The following RGS12 variants were observed in gnomAD, a reference collection of about 807,000 sequenced individuals.
The protein encoded by RGS12 is regulator of G protein signaling 12, also known as regulator of G-protein signaling 12.
A neutral mutation model predicts 120.1 loss-of-function variants in RGS12; 66 were observed. The ratio of observed to expected loss-of-function variants is 0.55; its 90% CI spans 0.45 to 0.67. The LOEUF (loss-of-function observed/expected upper bound fraction) is 0.67, where lower values mean the gene tolerates loss of function less well. Among genes scored for constraint, RGS12 ranks in the 30% least tolerant of loss-of-function variants. RGS12 has a pLI of 0.00. For missense variants in RGS12, 1,859 were observed against 1,957.7 expected (o/e 0.95, Z 0.95); for synonymous variants, 827 against 804.7 (o/e 1.03, Z -0.47).
intron 2 of RGS12, among the ~76,000 whole-genome samples, chr4:3,337,571 G>A (rs1314448780): frequency 2.0e-5 from 3 of 152,138 alleles, no homozygotes; most frequent in Non-Finnish European, 2.9e-5. Context: ...GACCCTTGAG[G>A]ACACCATGCT....
chr4:3,291,723 A>ATC (rs1163849544), upstream of RGS12, among the ~76,000 whole-genome samples: 1 of 152,012 alleles, frequency 6.6e-6, no homozygotes, highest in South Asian at 2.1e-4. Flanking sequence ...CCTGTTAAGT[A>ATC]TCTCTCTCTC....
At chr4:3,414,701 A>G (rs772965241) in intron 5 of RGS12, 51 bp from the exon 6 acceptor site, 1 of 1,341,868 alleles carries the variant, frequency 7.5e-7, no homozygotes, top group Non-Finnish European at 1.1e-6. Context: ...GAAGTAGGAA[A>G]AAGGAGGACC....
chr4:3,424,214 T>C (rs1164612077), intron 13 of RGS12, among the ~76,000 whole-genome samples: 2 of 152,242 alleles, frequency 1.3e-5, no homozygotes, highest in African/African-American at 4.8e-5. Context: ...CCGCTGAGGG[T>C]GCTCTGGAGC....
chr4:3,303,722 C>A (rs1723812477), intron 1 of RGS12, among the ~76,000 whole-genome samples: 2 of 152,194 alleles, frequency 1.3e-5, no homozygotes, highest in African/African-American at 4.8e-5. Flanking sequence ...GAAGCTAAAG[C>A]CAGTGTTCAC....
intron 4 of RGS12, among the ~76,000 whole-genome samples, chr4:3,393,159 T>C (rs1208922167): frequency 6.6e-6 from 1 of 152,220 alleles, no homozygotes; most frequent in Non-Finnish European, 1.5e-5. Context: ...GACTGAGTGC[T>C]GAATTTTGTT....
intron 13 of RGS12, 117 bp downstream of exon 13, chr4:3,423,758 G>T (rs1723294290): frequency 7.5e-7 from 1 of 1,339,372 alleles, no homozygotes; most frequent in South Asian, 1.4e-5. Context: ...CCCCTGATCT[G>T]GTTGTCCCCC....
At chr4:3,335,760 C>A (rs920220609) in intron 2 of RGS12, among the ~76,000 whole-genome samples, 29 of 152,054 alleles carry the variant, frequency 1.9e-4, no homozygotes, top group African/African-American at 6.5e-4. Flanking sequence ...GCGCTCCAGC[C>A]TGGGAGATAG....
intron 4 of RGS12, among the ~76,000 whole-genome samples, chr4:3,412,805 C>T (rs1721877815): frequency 6.6e-6 from 1 of 152,272 alleles, no homozygotes; most frequent in Admixed American, 6.5e-5. Flanking sequence ...GGCTCAGCTG[C>T]AGGCTAAGGA....
chr4:3,417,158 T>A (rs1256364781), intron 8 of RGS12, 66 bp downstream of exon 8: 1 of 1,475,884 alleles, frequency 6.8e-7, no homozygotes, highest in Non-Finnish European at 9.0e-7. Context: ...AGCTGTTCTG[T>A]GGGGAGTGAA....
chr4:3,307,330 C>T (rs547527133), intron 1 of RGS12, among the ~76,000 whole-genome samples: 4 of 152,320 alleles, frequency 2.6e-5, no homozygotes, highest in East Asian at 3.9e-4. Context: ...CGTGTGCACA[C>T]GGCATGAGGT....
chr4:3,364,773 C>T (rs1353782207), intron 3 of RGS12, among the ~76,000 whole-genome samples: 1 of 152,044 alleles, frequency 6.6e-6, no homozygotes, highest in Non-Finnish European at 1.5e-5. Flanking sequence ...GGCGACTGCC[C>T]TGTGTGTGGC....
chr4:3,430,849 C>A lies in RGS12; in HGVS notation c.4008C>A (p.His1336Gln). The A allele has an allele frequency of 6.2e-7, 1 of 1,611,682 alleles. No individual in the cohort carries two copies. The highest frequency in any genetic ancestry group is 8.5e-7 in the Non-Finnish European group (1 of 1,179,426). The change falls in exon 17 of 18, where the codon CAC becomes CAA. Residue 1336 changes from histidine to glutamine, a missense_variant. Transcript: ENST00000336727. ...AGGIQTVEDE[H>Q]VAELTLMGEG... ...GCATCCAGACGGTGGAGGATGAGCA[C>A]GTGGCCGAGCTGACCCTGATGGGGG...
intron 10 of RGS12, among the ~76,000 whole-genome samples, chr4:3,421,750 C>T (rs1414658177): frequency 3.9e-5 from 6 of 152,264 alleles, no homozygotes; most frequent in Admixed American, 3.3e-4. Context: ...GCCGCTCCTT[C>T]TGCCCACCCA....
chr4:3,387,389 G>A (rs1718969707), intron 4 of RGS12, among the ~76,000 whole-genome samples: 1 of 152,252 alleles, frequency 6.6e-6, no homozygotes, highest in African/African-American at 2.4e-5. Context: ...TAGGCAGACA[G>A]AGCTCAGAGC....
At chr4:3,354,335 A>G (rs552342279) in intron 3 of RGS12, among the ~76,000 whole-genome samples, 1 of 152,240 alleles carries the variant, frequency 6.6e-6, no homozygotes, top group Non-Finnish European at 1.5e-5. Flanking sequence ...GCTTTATTAG[A>G]TTCTGCCAGG....
At chr4:3,413,911 A>T (rs1272393000) in intron 4 of RGS12, 161 bp from the exon 5 acceptor site, 17 of 680,106 alleles carry the variant, frequency 2.5e-5, no homozygotes, top group African/African-American at 3.6e-5. Flanking sequence ...TGTAGAATGC[A>T]CTGGCAGGTG....
At chr4:3,293,130 G>A (rs1723137677) in intron 1 of RGS12, 31 bp downstream of exon 1, 2 of 146,342 alleles carry the variant, frequency 1.4e-5, no homozygotes, top group South Asian at 4.2e-4. Flanking sequence ...CCGGGGCGGG[G>A]GCAGGGCGCG....
At chr4:3,288,200 G>C (rs928490660), upstream of RGS12, among the ~76,000 whole-genome samples, 1 of 152,178 alleles carries the variant, frequency 6.6e-6, no homozygotes, top group African/African-American at 2.4e-5. This position sits in a 1 kb window ranked among gnomAD's most constrained non-coding sequence, Gnocchi z 5.2. Flanking sequence ...CCCGGCGGGT[G>C]TGTGGGGTCT....
chr4:3,417,115 C>A lies in RGS12; in HGVS notation c.2607+23C>A, dbSNP rs776922686. ...AAGGTGACCTCCCCGAGGCTGGCCTCACGCCCCTGTGGGTTGTGTGTCATC... is the reference window on the plus strand; with the variant it reads ...AAGGTGACCTCCCCGAGGCTGGCCTAACGCCCCTGTGGGTTGTGTGTCATC... On this transcript the variant is annotated intron_variant, in intron 8 of 17. Coordinates refer to ENST00000336727, the MANE Select transcript of RGS12 (RefSeq NM_001394154.1). 29 of 1,573,234 alleles carry A rather than the reference C, an allele frequency of 1.8e-5. No individual in the cohort carries two copies. The South Asian group carries it at 3.0e-4, about 16-fold the overall frequency.
Sources: gnomAD v4.1 joint callset for allele counts (sites outside exome capture counted in the v4.1 genomes callset) on GRCh38, gnomAD v4.1.1 for gene constraint, Gnocchi (gnomAD v3.1) non-coding constraint, MANE v1.5 for transcripts, NCBI Gene and HGNC (gene_info 2026-07-23, HGNC 2026-07-21) for gene names.